ATXN2: variants seen among roughly 807,000 people sequenced by gnomAD.
ATXN2 encodes the protein ataxin 2, also known as ataxin-2.
ATXN2 carries 37 observed loss-of-function variants against 138.6 expected under a neutral mutation model. That is an observed-to-expected ratio of 0.27 (90% CI 0.21 to 0.35). The LOEUF is 0.35. Among genes scored for constraint, ATXN2 ranks in the 10% least tolerant of loss-of-function variants. The pLI, the probability that ATXN2 is intolerant of heterozygous loss-of-function variation, is 1.00. For synonymous variants in ATXN2, 549 were observed against 543.7 expected (o/e 1.01, Z -0.13); for missense variants, 1,216 against 1,480.3 (o/e 0.82, Z 2.93).
At chr12:111,457,413 C>T (rs938947702) in intron 21 of ATXN2, 54 bp from the exon 22 acceptor site, 21 of 1,540,106 alleles carry the variant, frequency 1.4e-5, no homozygotes, top group Admixed American at 1.2e-4. Context: ...CAACCTCCAT[C>T]GCTCCTCTAC....
intron 1 of ATXN2, among the ~76,000 whole-genome samples, chr12:111,582,286 A>G (rs1440456680): frequency 6.6e-6 from 1 of 152,094 alleles, no homozygotes; most frequent in Non-Finnish European, 1.5e-5. Flanking sequence ...ACTACTAAAA[A>G]TACAAAAAAT....
intron 5 of ATXN2, among the ~76,000 whole-genome samples, chr12:111,526,572 T>C (rs553386861): frequency 6.6e-6 from 1 of 151,764 alleles, no homozygotes; most frequent in South Asian, 2.1e-4. Context: ...GCCCAGCTAA[T>C]GTTTGTATTT....
chr12:111,597,241 C>T (rs1405634450), intron 1 of ATXN2, among the ~76,000 whole-genome samples: 1 of 152,132 alleles, frequency 6.6e-6, no homozygotes, highest in Admixed American at 6.6e-5. Flanking sequence ...CCAGCTGATT[C>T]CTCTTGATGG....
At chr12:111,506,898 G>A (rs1212278362) in intron 14 of ATXN2, among the ~76,000 whole-genome samples, 3 of 152,082 alleles carry the variant, frequency 2.0e-5, no homozygotes, top group Non-Finnish European at 4.4e-5. Flanking sequence ...GCTCCTAACC[G>A]CGAGTGATCT....
At chr12:111,469,904 A>C (rs1040650978) in intron 20 of ATXN2, 3 of 532,354 alleles carry the variant, frequency 5.6e-6, no homozygotes, top group Non-Finnish European at 9.7e-6. Flanking sequence ...CAGGAAAGAG[A>C]TCTGAAGACC....
Position 111,470,122 on chromosome 12 carries a change from G to A in ATXN2, c.2828C>T (p.Thr943Met), listed in dbSNP as rs781378386. The change falls in exon 20 of 25, where the codon ACG (threonine) becomes ATG (methionine). Residue 943 changes from threonine to methionine, a missense_variant. Around this residue, in one of 4 missense-constraint regions of ATXN2, gnomAD observed 490 missense variants for 653.5 expected, o/e 0.75. Coordinates refer to ENST00000673436, the MANE Select transcript of ATXN2 (RefSeq NM_001372574.1). ...GTGCTTCCTACCATACATCGCATGC[G>A]TCTGCTCATGAGCCCCGTACTGAGT... is the stretch of plus-strand genomic sequence containing the variant. ...SATQYGAHEQTHAMYACPKLP... is the reference protein window; with the variant it reads ...SATQYGAHEQMHAMYACPKLP... The A allele has an allele frequency of 5.0e-6, 8 of 1,613,876 alleles. No homozygotes were observed. Among genetic ancestry groups the A allele is most frequent in the African/African-American group, 2.7e-5 (2 of 74,998 alleles).
In ATXN2 at chr12:111,593,610, T is replaced by TA. The variant is rs796284474; in HGVS notation, c.251+5173dup. 2.5e-3 allele frequency among the ~76,000 whole-genome samples: 355 copies of TA among 141,118 alleles called. 1 individual carries two copies. Among genetic ancestry groups the TA allele is most frequent in the East Asian group, 6.3e-3 (31 of 4,898 alleles). The allele number at this position is 141,118 out of a possible 152,430, so 92.6% of individuals were successfully genotyped here. On this transcript the variant is annotated intron_variant, in intron 1 of 24. Transcript: ENST00000673436. Reference sequence around the variant, plus strand: ...CAACTACAGGCTTACATTTTTCTCTTAAAAAAAAAAAAAGAAAAAGAAAAA... The same window carrying TA: ...CAACTACAGGCTTACATTTTTCTCTTAAAAAAAAAAAAAAGAAAAAGAAAAA...
Position 111,467,975 on chromosome 12 carries a change from T to G in ATXN2, c.2842+2133A>C, listed in dbSNP as rs181820551. 7.2e-5 allele frequency among the ~76,000 whole-genome samples: 11 copies of G among 152,356 alleles called. No individual in the cohort carries two copies. In the East Asian group the frequency reaches 1.9e-3, roughly 27 times the overall value. On this transcript the variant is annotated intron_variant, in intron 20 of 24. Transcript: ENST00000673436. ...TCAAAAGCATGCATACACAAATAAC[T>G]ACTCTCCAAATGCAATGGAAATTTT... is the stretch of plus-strand genomic sequence containing the variant.
At chr12:111,525,533 C>A (rs1207118782) in intron 5 of ATXN2, among the ~76,000 whole-genome samples, 1 of 152,084 alleles carries the variant, frequency 6.6e-6, no homozygotes, top group Non-Finnish European at 1.5e-5. Context: ...AAACTTAAAA[C>A]TTATGTATGT....
intron 14 of ATXN2, among the ~76,000 whole-genome samples, chr12:111,502,469 G>A (rs1387591929): frequency 6.6e-6 from 1 of 150,544 alleles, no homozygotes; most frequent in Non-Finnish European, 1.5e-5. Flanking sequence ...CGCTCTTATT[G>A]CCCAGGCTGG....
chr12:111,518,723 C>A (rs1879991246), intron 8 of ATXN2, among the ~76,000 whole-genome samples: 1 of 152,174 alleles, frequency 6.6e-6, no homozygotes, highest in Non-Finnish European at 1.5e-5. Flanking sequence ...ATCTTCACAA[C>A]ATTTTTTGTC....
At chr12:111,549,891 G>A (rs1429034185) in intron 5 of ATXN2, among the ~76,000 whole-genome samples, 3 of 151,724 alleles carry the variant, frequency 2.0e-5, no homozygotes, top group African/African-American at 4.8e-5. Context: ...GTGAAACCCC[G>A]TCTCTACTAA....
In ATXN2 at chr12:111,555,975, A is replaced by G. The variant is rs879202792; in HGVS notation, c.252-56T>C. The G allele has an allele frequency of 2.2e-5, 29 of 1,324,066 alleles. No individual in the cohort carries two copies. The South Asian group carries it at 2.9e-4, about 13-fold the overall frequency. 82.0% of individuals were successfully genotyped at this position (1,324,066 alleles called of 1,614,324 possible). A position where few individuals can be genotyped will look rare whatever the true frequency, so the allele number is the denominator to read the frequency against. On this transcript the variant is annotated intron_variant, in intron 1 of 24. Coordinates refer to ENST00000673436, the MANE Select transcript of ATXN2 (RefSeq NM_001372574.1). ...TTCAACAGGCTAAATAAGCTGAAAA[A>G]TATTTCCAAACTTAAAATATAATTC...
In ATXN2 at chr12:111,581,358, A is replaced by G; in HGVS notation, c.251+17426T>C. ...AGAACCACCCCAGCAACCCGACCACAGCTGGTCTTCCCTGGACACCATGAA... is the reference window on the plus strand; with the variant it reads ...AGAACCACCCCAGCAACCCGACCACGGCTGGTCTTCCCTGGACACCATGAA... On this transcript the variant is annotated intron_variant, in intron 1 of 24. Transcript: ENST00000673436. The G allele has an allele frequency of 6.7e-6, 4 of 600,552 alleles. No individual in the cohort carries two copies. In the East Asian group the frequency reaches 1.3e-4, roughly 20 times the overall value. 37.2% of individuals were successfully genotyped at this position (600,552 alleles called of 1,614,324 possible). A position where few individuals can be genotyped will look rare whatever the true frequency, so the allele number is the denominator to read the frequency against.
intron 5 of ATXN2, among the ~76,000 whole-genome samples, chr12:111,529,924 C>T (rs771440679): frequency 6.6e-6 from 1 of 152,144 alleles, no homozygotes. Context: ...TTTAACATCA[C>T]AAACCCTCAA....
intron 15 of ATXN2, 124 bp from the exon 16 acceptor site, chr12:111,486,948 C>T: frequency 1.3e-6 from 1 of 752,674 alleles, no homozygotes; most frequent in Non-Finnish European, 2.2e-6. Flanking sequence ...TAGAAGATCA[C>T]TAATCGTTTT....
intron 1 of ATXN2, among the ~76,000 whole-genome samples, chr12:111,578,777 A>G (rs1026210497): frequency 3.9e-5 from 6 of 152,196 alleles, no homozygotes; most frequent in Admixed American, 3.3e-4. Context: ...ACAGGGGCTC[A>G]TATCTATAAT....
rs555093611 is a variant in ATXN2 at position 111,598,340 on chromosome 12, G to C, written c.251+444C>G. On this transcript the variant is annotated intron_variant, in intron 1 of 24. Coordinates refer to ENST00000673436, the MANE Select transcript of ATXN2 (RefSeq NM_001372574.1). The surrounding 1 kb of genome is among the most constrained non-coding windows in gnomAD (Gnocchi z 4.5). ...TCCAGAGATGTCCCCCATGGAGGGG[G>C]ACATGTTCCGGAAAACGCCACCACA... The C allele has an allele frequency of 2.0e-6, 2 of 990,768 alleles. No homozygotes were observed. The highest frequency in any genetic ancestry group is 2.4e-6 in the Non-Finnish European group (2 of 833,114). 61.4% of individuals were successfully genotyped at this position (990,768 alleles called of 1,614,324 possible).
At chr12:111,597,787 A>T in intron 1 of ATXN2, 10 of 1,126,094 alleles carry the variant, frequency 8.9e-6, no homozygotes, top group Non-Finnish European at 1.1e-5. Context: ...CCCCTGCTGC[A>T]ATCTCTCTCT....
Sources: allele counts gnomAD v4.1 joint callset (sites outside exome capture counted in the v4.1 genomes callset), GRCh38; gene constraint gnomAD v4.1.1; regional missense constraint gnomAD v4.1.1; non-coding constraint Gnocchi (gnomAD v3.1); transcripts MANE v1.5; gene names NCBI Gene and HGNC (gene_info 2026-07-23, HGNC 2026-07-21).